Variants in JADE3 observed in about 807,000 individuals in gnomAD.
The protein encoded by JADE3 is protein Jade-3.
Under a neutral mutation model 50.1 loss-of-function variants are expected in JADE3, and 2 were observed. The observed-to-expected ratio is 0.04, with a 90% CI of 0.02 to 0.13. The LOEUF is 0.13. Ranked by LOEUF, JADE3 falls within the 10% of genes least tolerant of loss-of-function variation. The pLI is 1.00. For missense variants in JADE3, 475 were observed against 634.4 expected (o/e 0.75, Z 2.70); for synonymous variants, 218 against 232.9 (o/e 0.94, Z 0.58).
intron 4 of JADE3, among the ~76,000 whole-genome samples, chrX:47,022,915 A>G (rs1313058497): frequency 2.7e-5 from 3 of 111,159 alleles, no homozygotes; most frequent in Non-Finnish European, 5.6e-5. Flanking sequence ...GCTATTGTTT[A>G]TGGTTGGGAA....
Position 47,054,437 on chromosome X carries a change from G to A in JADE3, c.1252G>A (p.Ala418Thr), listed in dbSNP as rs150948956. The A allele has an allele frequency of 2.3e-4, 279 of 1,209,430 alleles. No homozygotes were observed. Among genetic ancestry groups the A allele is most frequent in the South Asian group, 1.1e-3 (62 of 56,799 alleles). Residue 418 changes from alanine (A) to threonine (T), a missense_variant, in exon 9 of 11, where the codon GCA (alanine) becomes ACA (threonine). By Grantham distance (58) the Ala-to-Thr change is moderately conservative (BLOSUM62 0). Around this residue, in one of 6 missense-constraint regions of JADE3, gnomAD observed 81 missense variants for 123.8 expected, o/e 0.65. Coordinates refer to ENST00000614628, the MANE Select transcript of JADE3 (RefSeq NM_014735.5). ...YSLVRVEDVA[A>T]ELGMPTLAVD... ...CTTGGTACGAGTGGAAGATGTGGCC[G>A]CAGAGCTGGGTATGCCCACGCTAGC...
intron 4 of JADE3, among the ~76,000 whole-genome samples, chrX:47,001,797 C>A (rs1176022929): frequency 8.9e-6 from 1 of 111,774 alleles, no homozygotes; most frequent in African/African-American, 3.2e-5. Flanking sequence ...AAATTCAGGC[C>A]TATTTAGATA....
intron 1 of JADE3, among the ~76,000 whole-genome samples, chrX:46,933,828 A>G (rs1428425739): frequency 2.7e-5 from 3 of 111,229 alleles, no homozygotes; most frequent in Non-Finnish European, 5.7e-5. Flanking sequence ...CTGCCCCAGG[A>G]TGTAGAAAGC....
chrX:46,963,684 G>A (rs1477616021), intron 1 of JADE3, among the ~76,000 whole-genome samples: 1 of 111,590 alleles, frequency 9.0e-6, no homozygotes, highest in African/African-American at 3.3e-5. Flanking sequence ...CTGGGGCAGT[G>A]GTAGGAGGTA....
intron 1 of JADE3, among the ~76,000 whole-genome samples, chrX:46,942,550 T>C (rs1278360560): frequency 8.9e-6 from 1 of 111,778 alleles, no homozygotes; most frequent in Non-Finnish European, 1.9e-5. Flanking sequence ...TCTGTTTTGT[T>C]CCATTGGTCT....
chrX:46,954,346 G>C (rs994908212), intron 1 of JADE3, among the ~76,000 whole-genome samples: 1 of 111,520 alleles, frequency 9.0e-6, no homozygotes, highest in African/African-American at 3.3e-5. Context: ...GTTTTGTTTG[G>C]TTTGGTTTTA....
chrX:46,994,178 CAATAAAAGCCAG>C (rs1928073251), intron 3 of JADE3, among the ~76,000 whole-genome samples: 1 of 112,192 alleles, frequency 8.9e-6, no homozygotes, highest in Non-Finnish European at 1.9e-5. Context: ...TTAATGAGAG[CAATAAAAGCCAG>C]AGTTGTCTGC....
intron 6 of JADE3, among the ~76,000 whole-genome samples, chrX:47,028,770 C>A (rs781890440): frequency 5.6e-4 from 62 of 110,603 alleles, no homozygotes; most frequent in African/African-American, 1.9e-3. Flanking sequence ...CCATTTTTTC[C>A]CCCACAAGCA....
chrX:46,949,129 G>A (rs1173961553), intron 1 of JADE3, among the ~76,000 whole-genome samples: 2 of 109,730 alleles, frequency 1.8e-5, no homozygotes, highest in African/African-American at 6.6e-5. Flanking sequence ...GGTAGAGATG[G>A]GGTTTCGCCA....
intron 8 of JADE3, among the ~76,000 whole-genome samples, chrX:47,049,464 C>G (rs180788216): frequency 3.9e-4 from 41 of 105,118 alleles, no homozygotes; most frequent in African/African-American, 1.2e-3. Context: ...CCGCGCCCAA[C>G]CCTTTTTTTT....
chrX:47,047,960 T>G (rs782294620), intron 8 of JADE3, among the ~76,000 whole-genome samples: 17 of 111,812 alleles, frequency 1.5e-4, no homozygotes, highest in Non-Finnish European at 3.2e-4. Context: ...GAATGCAGCT[T>G]CCAGTTACCC....
At chrX:46,967,876 C>T (rs1489356516) in intron 1 of JADE3, among the ~76,000 whole-genome samples, 2 of 112,293 alleles carry the variant, frequency 1.8e-5, no homozygotes, top group Non-Finnish European at 3.8e-5. Flanking sequence ...TGACTAAAAT[C>T]CAGGCAGGGA....
intron 3 of JADE3, among the ~76,000 whole-genome samples, chrX:46,991,085 C>CA (rs1927994629): frequency 2.8e-5 from 1 of 35,986 alleles, no homozygotes; most frequent in East Asian, 1.5e-3. Context: ...CCCCCCCCCC[C>CA]ACTTTCTTTC....
At chrX:47,031,795 G>T (rs1043953430) in intron 6 of JADE3, among the ~76,000 whole-genome samples, 1 of 111,368 alleles carries the variant, frequency 9.0e-6, no homozygotes. Flanking sequence ...AGCCCAGGAG[G>T]TTGAGGCTAC....
intron 1 of JADE3, among the ~76,000 whole-genome samples, chrX:46,940,411 A>G (rs2147111609): frequency 8.9e-6 from 1 of 112,223 alleles, no homozygotes; most frequent in East Asian, 2.8e-4. Flanking sequence ...AGACTCATGC[A>G]TAAGGGACTT....
rs782291196 is a variant in JADE3 at position 47,009,763 on chromosome X, T to C, written c.284+11486T>C. ...CCTCAGCCTTCCAAGTAGCTAGGAC[T>C]ACAGGCGCACACCACCGTACCTGGC... is the stretch of plus-strand genomic sequence containing the variant. On this transcript the variant is annotated intron_variant, in intron 4 of 10. Coordinates refer to ENST00000614628, the MANE Select transcript of JADE3 (RefSeq NM_014735.5). Among the ~76,000 whole-genome samples, 3 of 109,297 alleles carry C rather than the reference T, an allele frequency of 2.7e-5. No individual in the cohort carries two copies. In the South Asian group the frequency reaches 1.2e-3, roughly 44 times the overall value. 94.9% of individuals were successfully genotyped at this position (109,297 alleles called of 115,157 possible).
chrX:46,920,990 G>A (rs1374949794), intron 1 of JADE3, among the ~76,000 whole-genome samples: 1 of 111,838 alleles, frequency 8.9e-6, no homozygotes, highest in African/African-American at 3.3e-5. Flanking sequence ...GTATTGGCCA[G>A]GCTAGTCTCA....
chrX:46,929,263 G>A (rs892959472), intron 1 of JADE3, among the ~76,000 whole-genome samples: 4 of 112,424 alleles, frequency 3.6e-5, no homozygotes, highest in Admixed American at 9.4e-5. Flanking sequence ...GTATGTGTGT[G>A]TGATAAGCCT....
intron 7 of JADE3, among the ~76,000 whole-genome samples, chrX:47,037,705 C>T (rs1417399034): frequency 8.9e-6 from 1 of 112,311 alleles, no homozygotes; most frequent in Admixed American, 9.4e-5. Context: ...TTGATACAGG[C>T]ATGTAATGCC....
Sources: gnomAD v4.1 joint callset for allele counts (sites outside exome capture counted in the v4.1 genomes callset) on GRCh38, gnomAD v4.1.1 for gene constraint, gnomAD v4.1.1 regional missense constraint, MANE v1.5 for transcripts, NCBI Gene and HGNC (gene_info 2026-07-23, HGNC 2026-07-21) for gene names.